CTNND2: variants seen among roughly 807,000 people sequenced by gnomAD.
CTNND2 encodes the protein catenin delta 2.
A neutral mutation model predicts 144.4 loss-of-function variants in CTNND2; 22 were observed. The ratio of observed to expected loss-of-function variants is 0.15; its 90% CI spans 0.11 to 0.22. The LOEUF (loss-of-function observed/expected upper bound fraction) is 0.22. Ranked by LOEUF, CTNND2 falls within the 10% of genes least tolerant of loss-of-function variation. CTNND2 has a pLI of 1.00. For missense variants in CTNND2, 1,353 were observed against 1,618.8 expected (o/e 0.84, Z 2.82); for synonymous variants, 751 against 695.6 (o/e 1.08, Z -1.25).
intron 2 of CTNND2, among the ~76,000 whole-genome samples, chr5:11,704,197 C>T (rs7704140): frequency 0.012 from 1,795 of 152,294 alleles, 36 homozygotes; most frequent in African/African-American, 0.041. Flanking sequence ...CAATCTTGTT[C>T]CGGCCTGACC....
At chr5:10,999,263 G>A (rs1475428974) in intron 18 of CTNND2, among the ~76,000 whole-genome samples, 1 of 152,158 alleles carries the variant, frequency 6.6e-6, no homozygotes, top group Non-Finnish European at 1.5e-5. Context: ...CTGTCACTCA[G>A]AATGGCTTGG....
In CTNND2 at chr5:11,336,496, A is replaced by G. The variant is rs543675816; in HGVS notation, c.1628+9876T>C. Among the ~76,000 whole-genome samples the G allele has an allele frequency of 5.9e-5, 9 of 151,764 alleles. No individual in the cohort carries two copies. In the East Asian group the frequency reaches 1.7e-3, roughly 29 times the overall value. Reference sequence around the variant, plus strand: ...TGTGAATTTATACTTTTAGTTTTCAACACCCTATCAACACTGATAAATAGA... The same window carrying G: ...TGTGAATTTATACTTTTAGTTTTCAGCACCCTATCAACACTGATAAATAGA... On this transcript the variant is annotated intron_variant, in intron 9 of 21. Coordinates refer to ENST00000304623, the MANE Select transcript of CTNND2 (RefSeq NM_001332.4).
intron 9 of CTNND2, among the ~76,000 whole-genome samples, chr5:11,312,046 C>T (rs1750995513): frequency 6.6e-6 from 1 of 151,092 alleles, no homozygotes; most frequent in African/African-American, 2.4e-5. Flanking sequence ...CACACTCACA[C>T]ACACTTGCCA....
At chr5:11,762,947 C>A (rs12519319) in intron 1 of CTNND2, among the ~76,000 whole-genome samples, 2 of 152,042 alleles carry the variant, frequency 1.3e-5, no homozygotes, top group Non-Finnish European at 2.9e-5. Flanking sequence ...GCTCTGTGTC[C>A]CCATGCAAAT....
At chr5:11,896,195 G>A (rs987789081) in intron 1 of CTNND2, among the ~76,000 whole-genome samples, 1 of 152,010 alleles carries the variant, frequency 6.6e-6, no homozygotes, top group African/African-American at 2.4e-5. Context: ...ACAGAGTGAT[G>A]TAAGTAAATA....
intron 1 of CTNND2, among the ~76,000 whole-genome samples, chr5:11,772,444 G>C (rs1467725683): frequency 6.6e-6 from 1 of 152,160 alleles, no homozygotes; most frequent in African/African-American, 2.4e-5. Flanking sequence ...AGAGCTCACA[G>C]AGGACTTTGA....
chr5:11,190,002 A>T (rs886709624), intron 11 of CTNND2, among the ~76,000 whole-genome samples: 1 of 152,196 alleles, frequency 6.6e-6, no homozygotes, highest in Non-Finnish European at 1.5e-5. Context: ...GCCTCTGTGA[A>T]GAGATAATCC....
intron 12 of CTNND2, among the ~76,000 whole-genome samples, chr5:11,153,944 C>G (rs1375634557): frequency 6.6e-6 from 1 of 152,110 alleles, no homozygotes; most frequent in Non-Finnish European, 1.5e-5. Context: ...TTTTATTGAG[C>G]TAGCTGCTAG....
intron 14 of CTNND2, among the ~76,000 whole-genome samples, chr5:11,100,573 GC>G (rs1751786874): frequency 1.3e-5 from 2 of 152,184 alleles, no homozygotes; most frequent in Non-Finnish European, 2.9e-5. Flanking sequence ...CAATGACAAA[GC>G]AGTAGCAATA....
intron 10 of CTNND2, among the ~76,000 whole-genome samples, chr5:11,219,686 G>A (rs1739582108): frequency 6.6e-6 from 1 of 152,216 alleles, no homozygotes; most frequent in South Asian, 2.1e-4. Flanking sequence ...TCAGAGGTCA[G>A]AATGATGAAA....
At chr5:10,994,546 G>A (rs1266324255) in intron 18 of CTNND2, among the ~76,000 whole-genome samples, 1 of 151,874 alleles carries the variant, frequency 6.6e-6, no homozygotes, top group Admixed American at 6.6e-5. Flanking sequence ...TTGTGGAGTG[G>A]GGTCAGGGAG....
At chr5:11,359,323 G>C (rs781588319) in intron 8 of CTNND2, among the ~76,000 whole-genome samples, 2 of 152,142 alleles carry the variant, frequency 1.3e-5, no homozygotes, top group Admixed American at 6.5e-5. Flanking sequence ...TTAGGGGGAT[G>C]GTCATGTAAA....
chr5:11,013,106 G>A (rs1307766455), intron 18 of CTNND2, among the ~76,000 whole-genome samples: 1 of 152,214 alleles, frequency 6.6e-6, no homozygotes, highest in Non-Finnish European at 1.5e-5. Flanking sequence ...TTCGAGAGGT[G>A]CCTCCTTATA....
chr5:11,816,657 GA>G (rs1792688135), intron 1 of CTNND2, among the ~76,000 whole-genome samples: 1 of 11,134 alleles, frequency 9.0e-5, no homozygotes, highest in African/African-American at 2.9e-4. Flanking sequence ...GAGAGAGAGA[GA>G]GAGAGGAGGA....
intron 1 of CTNND2, among the ~76,000 whole-genome samples, chr5:11,864,421 A>G (rs1351076202): frequency 6.6e-6 from 1 of 152,194 alleles, no homozygotes; most frequent in African/African-American, 2.4e-5. Flanking sequence ...GATTCTTGCA[A>G]AACAAATATG....
At chr5:11,194,075 A>C (rs1736612368) in intron 11 of CTNND2, among the ~76,000 whole-genome samples, 1 of 152,230 alleles carries the variant, frequency 6.6e-6, no homozygotes, top group Admixed American at 6.5e-5. Context: ...GGAGTAATTC[A>C]GACAAGAAAT....
At chr5:11,443,984 T>C (rs1055574217) in intron 3 of CTNND2, among the ~76,000 whole-genome samples, 10 of 152,252 alleles carry the variant, frequency 6.6e-5, no homozygotes, top group African/African-American at 1.9e-4. Flanking sequence ...TCTTTGTACA[T>C]ATGGATGAAT....
At chr5:11,313,309 A>C (rs1011613418) in intron 9 of CTNND2, among the ~76,000 whole-genome samples, 4 of 152,218 alleles carry the variant, frequency 2.6e-5, no homozygotes, top group Non-Finnish European at 4.4e-5. Flanking sequence ...CAGGCTCCCC[A>C]GCCTCAGTAC....
intron 12 of CTNND2, among the ~76,000 whole-genome samples, chr5:11,119,463 C>T (rs1753866840): frequency 6.6e-6 from 1 of 152,122 alleles, no homozygotes; most frequent in South Asian, 2.1e-4. Flanking sequence ...TTATAAATTC[C>T]ATCCTGTGAT....
Sources: gnomAD v4.1 joint callset for allele counts (sites outside exome capture counted in the v4.1 genomes callset) on GRCh38, gnomAD v4.1.1 for gene constraint, MANE v1.5 for transcripts, NCBI Gene and HGNC (gene_info 2026-07-23, HGNC 2026-07-21) for gene names.